KLHL15: variants seen among roughly 807,000 people sequenced by gnomAD.
KLHL15 encodes the protein kelch-like protein 15.
A neutral mutation model predicts 29.3 loss-of-function variants in KLHL15; 1 was observed. The observed-to-expected ratio is 0.03, with a 90% CI of 0.01 to 0.16. The LOEUF (loss-of-function observed/expected upper bound fraction) is 0.16. KLHL15 is among the 10% of genes least tolerant of loss of function. The pLI, the probability that KLHL15 is intolerant of heterozygous loss-of-function variation, is 1.00. For synonymous variants in KLHL15, 212 were observed against 184.5 expected, an observed-to-expected ratio of 1.15 and a Z score of -1.21; for missense variants, 215 against 478.5, an observed-to-expected ratio of 0.45 and a Z score of 5.14.
chrX:24,022,370 C>T (rs779305293), intron 2 of KLHL15, among the ~76,000 whole-genome samples: 1 of 86,098 alleles, frequency 1.2e-5, no homozygotes, highest in African/African-American at 5.1e-5. Context: ...AGGCTGGGCA[C>T]GGTGGCTCCC....
intron 2 of KLHL15, among the ~76,000 whole-genome samples, chrX:24,008,441 G>C (rs1929499374): frequency 8.9e-6 from 1 of 112,182 alleles, no homozygotes; most frequent in African/African-American, 3.2e-5. Context: ...GTTTCGCCAT[G>C]TTGGCTAGGC....
intron 2 of KLHL15, among the ~76,000 whole-genome samples, chrX:24,016,384 G>A (rs1166067173): frequency 9.9e-6 from 1 of 101,211 alleles, no homozygotes; most frequent in Non-Finnish European, 2.0e-5. Context: ...GGTATACTTG[G>A]CCAGGTGCAG....
At chrX:23,999,632 T>C (rs758162562) in intron 3 of KLHL15, among the ~76,000 whole-genome samples, 3 of 107,263 alleles carry the variant, frequency 2.8e-5, no homozygotes, top group South Asian at 4.1e-4. Flanking sequence ...GCAAGTAAGA[T>C]TGAACTTTTA....
chrX:24,021,416 C>T, intron 2 of KLHL15, among the ~76,000 whole-genome samples: 1 of 111,046 alleles, frequency 9.0e-6, no homozygotes, highest in African/African-American at 3.3e-5. Flanking sequence ...CCCCATCTGC[C>T]CCATCAACCT....
intron 2 of KLHL15, among the ~76,000 whole-genome samples, chrX:24,008,872 A>G (rs1267121664): frequency 1.9e-5 from 1 of 53,003 alleles, no homozygotes; most frequent in African/African-American, 6.2e-4. Context: ...CGCGTGTTAG[A>G]AAAAAAAAAA....
chrX:24,007,027 TAAC>T (rs1162751630), intron 2 of KLHL15, among the ~76,000 whole-genome samples: 5 of 107,350 alleles, frequency 4.7e-5, no homozygotes, highest in Non-Finnish European at 9.6e-5. Context: ...TACAAAATAA[TAAC>T]AATAAAAAAA....
At chrX:23,993,603 TG>T (rs1929127638) in intron 3 of KLHL15, among the ~76,000 whole-genome samples, 1 of 111,045 alleles carries the variant, frequency 9.0e-6, no homozygotes, top group Admixed American at 9.7e-5. Flanking sequence ...GTGAGGTGAC[TG>T]GAAGTTCAGT....
intron 3 of KLHL15, among the ~76,000 whole-genome samples, chrX:24,003,209 A>G (rs1337638379): frequency 9.0e-6 from 1 of 111,344 alleles, no homozygotes; most frequent in African/African-American, 3.3e-5. Flanking sequence ...TAAGATCCTT[A>G]ACCTTTCTGT....
At chrX:24,024,680 T>C (rs907027727) in intron 2 of KLHL15, among the ~76,000 whole-genome samples, 177 bp downstream of exon 2, 2 of 112,939 alleles carry the variant, frequency 1.8e-5, no homozygotes, top group Non-Finnish European at 3.8e-5. Context: ...TCGCTCTCTC[T>C]GGAAAAAAAA....
chrX:24,018,368 T>C (rs1929732988), intron 2 of KLHL15, among the ~76,000 whole-genome samples: 1 of 111,350 alleles, frequency 9.0e-6, no homozygotes, highest in South Asian at 3.7e-4. Context: ...ACAAAAATTC[T>C]GTATCCTTAC....
chrX:24,025,290 G>A (rs1209670255), intron 1 of KLHL15, among the ~76,000 whole-genome samples: 1 of 108,242 alleles, frequency 9.2e-6, no homozygotes, highest in Admixed American at 9.6e-5. Flanking sequence ...CTGGGCTTCT[G>A]CCCCGAAGCG....
intron 3 of KLHL15, among the ~76,000 whole-genome samples, chrX:23,999,051 C>A (rs938702351): frequency 5.4e-5 from 6 of 110,267 alleles, no homozygotes; most frequent in Non-Finnish European, 9.5e-5. Flanking sequence ...GGATTACAGG[C>A]GCCTGCCACC....
At chrX:24,021,943 C>T (rs1016587553) in intron 2 of KLHL15, among the ~76,000 whole-genome samples, 1 of 111,841 alleles carries the variant, frequency 8.9e-6, no homozygotes, top group Non-Finnish European at 1.9e-5. Context: ...TAACATTATT[C>T]ACTCTCAAAA....
At chrX:24,009,460 T>C (rs1929527438) in intron 2 of KLHL15, among the ~76,000 whole-genome samples, 1 of 110,600 alleles carries the variant, frequency 9.0e-6, no homozygotes, top group African/African-American at 3.3e-5. Context: ...ATTGCACCAC[T>C]GCACTCCAGC....
chrX:24,001,944 T>C (rs868205817), intron 3 of KLHL15, among the ~76,000 whole-genome samples: 105 of 106,546 alleles, frequency 9.9e-4, no homozygotes, highest in African/African-American at 3.4e-3. Flanking sequence ...CCATCCTGGC[T>C]AACACAGTGA....
At chrX:24,006,741 G>T in intron 2 of KLHL15, 41 bp from the exon 3 acceptor site, 1 of 963,651 alleles carries the variant, frequency 1.0e-6, no homozygotes. Context: ...ACACTTCCAT[G>T]CATTCAGAAG....
intron 3 of KLHL15, among the ~76,000 whole-genome samples, chrX:24,002,642 G>A (rs1929352694): frequency 9.7e-6 from 1 of 103,024 alleles, no homozygotes; most frequent in African/African-American, 3.6e-5. Flanking sequence ...GTAGGGGATT[G>A]GGGGGAACAG....
Position 24,022,251 on chromosome X carries a change from C to T in KLHL15, c.-8+2606G>A, listed in dbSNP as rs1416398545. Among the ~76,000 whole-genome samples the T allele has an allele frequency of 1.2e-4, 13 of 105,990 alleles. No individual in the cohort carries two copies. In the Admixed American group the frequency reaches 1.3e-3, roughly 11 times the overall value. The allele number at this position is 105,990 out of a possible 115,157, so 92.0% of individuals were successfully genotyped here. A position where few individuals can be genotyped will look rare whatever the true frequency, so the allele number is the denominator to read the frequency against. On this transcript the variant is annotated intron_variant, in intron 2 of 3. Transcript: ENST00000328046. ...TCGGGAGGCTGAGGCAGGAGAATCACTTGAACCCGGGAGGCGGAGGTTGCA... is the reference window on the plus strand; with the variant it reads ...TCGGGAGGCTGAGGCAGGAGAATCATTTGAACCCGGGAGGCGGAGGTTGCA...
chrX:24,025,283 G>A (rs1929901227), intron 1 of KLHL15, among the ~76,000 whole-genome samples: 1 of 109,706 alleles, frequency 9.1e-6, no homozygotes, highest in African/African-American at 3.3e-5. Flanking sequence ...GGCGTCTCTG[G>A]GCTTCTGCCC....
Sources: allele counts gnomAD v4.1 joint callset (sites outside exome capture counted in the v4.1 genomes callset), GRCh38; gene constraint gnomAD v4.1.1; transcripts MANE v1.5; gene names NCBI Gene and HGNC (gene_info 2026-07-23, HGNC 2026-07-21).